LCLAT1: variants seen among roughly 807,000 people sequenced by gnomAD.
The protein encoded by LCLAT1 is 1-AGP acyltransferase 8.
A neutral mutation model predicts 30.7 loss-of-function variants in LCLAT1; 11 were observed. That is an observed-to-expected ratio of 0.36 (90% CI 0.23 to 0.59). The LOEUF is 0.59. Ranked by LOEUF, LCLAT1 falls within the 20% of genes least tolerant of loss-of-function variation. The pLI, the probability that LCLAT1 is intolerant of heterozygous loss-of-function variation, is 0.77. For missense variants in LCLAT1, 402 were observed against 458.6 expected (o/e 0.88, Z 1.13); for synonymous variants, 155 against 151.3 (o/e 1.02, Z -0.18).
At chr2:30,584,116 C>T (rs1558535597) in intron 5 of LCLAT1, among the ~76,000 whole-genome samples, 3 of 152,074 alleles carry the variant, frequency 2.0e-5, no homozygotes, top group Admixed American at 6.6e-5. Context: ...TGAGTGAGAA[C>T]ATGCAGTGTT....
At chr2:30,481,219 GAAAGCCGTT>G (rs1438132686) in intron 1 of LCLAT1, among the ~76,000 whole-genome samples, 2 of 152,190 alleles carry the variant, frequency 1.3e-5, no homozygotes, top group Non-Finnish European at 2.9e-5. Flanking sequence ...AGGCTCAATG[GAAAGCCGTT>G]AAAGGCTTTT....
chr2:30,510,800 A>G (rs775462406), intron 1 of LCLAT1, among the ~76,000 whole-genome samples: 1 of 151,800 alleles, frequency 6.6e-6, no homozygotes, highest in South Asian at 2.1e-4. Flanking sequence ...ATTTTTTCTC[A>G]ACTTTATTTT....
chr2:30,470,262 A>G (rs1488866550), intron 1 of LCLAT1, among the ~76,000 whole-genome samples: 1 of 152,174 alleles, frequency 6.6e-6, no homozygotes, highest in African/African-American at 2.4e-5. Flanking sequence ...TAATCGGGGA[A>G]GTTACAAGTC....
intron 4 of LCLAT1, among the ~76,000 whole-genome samples, chr2:30,566,432 A>G (rs1046203332): frequency 7.2e-5 from 11 of 152,104 alleles, no homozygotes; most frequent in African/African-American, 2.7e-4. Flanking sequence ...ATATGAGAGG[A>G]ACTTACTACT....
At chr2:30,582,831 A>G (rs541258058) in intron 5 of LCLAT1, among the ~76,000 whole-genome samples, 119 of 152,350 alleles carry the variant, frequency 7.8e-4, no homozygotes, top group African/African-American at 2.8e-3. Context: ...GGAATGTTAG[A>G]TGTCACAGAG....
chr2:30,616,217 TAGC>T (rs1667986598), intron 5 of LCLAT1, among the ~76,000 whole-genome samples: 1 of 152,168 alleles, frequency 6.6e-6, no homozygotes, highest in African/African-American at 2.4e-5. Flanking sequence ...AGGGAGTACT[TAGC>T]AGGAGAAAGT....
At chr2:30,514,382 CA>C in intron 1 of LCLAT1, among the ~76,000 whole-genome samples, 1 of 152,188 alleles carries the variant, frequency 6.6e-6, no homozygotes, top group Non-Finnish European at 1.5e-5. Flanking sequence ...GGATACTAGA[CA>C]GTTGGCCAGA....
rs1225891172 is a variant in LCLAT1 at position 30,640,826 on chromosome 2, T to C, written c.*207T>C. 5.6e-6 allele frequency: 3 copies of C among 535,630 alleles called. No homozygotes were observed. The highest frequency in any genetic ancestry group is 9.5e-6 in the Non-Finnish European group (3 of 314,452). The allele number at this position is 535,630 out of a possible 1,614,324, so 33.2% of individuals were successfully genotyped here. ...GAATGTAATTTCGATACTGTGTACA[T>C]AGCAGGGAGTGATCGGGGTGAAATA... On this transcript the variant is annotated 3_prime_UTR_variant, in exon 6 of 6. Transcript: ENST00000379509.
At chr2:30,628,487 T>A (rs1668616834) in intron 5 of LCLAT1, among the ~76,000 whole-genome samples, 1 of 152,098 alleles carries the variant, frequency 6.6e-6, no homozygotes, top group Non-Finnish European at 1.5e-5. Context: ...CCAAGTATAG[T>A]TTGAAAAAGA....
intron 1 of LCLAT1, among the ~76,000 whole-genome samples, chr2:30,510,389 A>G (rs1684882694): frequency 6.6e-6 from 1 of 152,158 alleles, no homozygotes; most frequent in Non-Finnish European, 1.5e-5. Context: ...TTAGAATCTT[A>G]AAGTTTTTGT....
intron 1 of LCLAT1, among the ~76,000 whole-genome samples, chr2:30,485,893 A>G (rs1284513569): frequency 6.6e-6 from 1 of 152,134 alleles, no homozygotes; most frequent in African/African-American, 2.4e-5. Flanking sequence ...TTTGTCATAT[A>G]TGTTATATGT....
chr2:30,447,950 G>T (rs561742173), intron 1 of LCLAT1, among the ~76,000 whole-genome samples: 1 of 152,156 alleles, frequency 6.6e-6, no homozygotes, highest in Non-Finnish European at 1.5e-5. Flanking sequence ...GAAAAGAAAG[G>T]TAGGCCCTAG....
intron 3 of LCLAT1, among the ~76,000 whole-genome samples, chr2:30,535,146 A>G (rs116799045): frequency 0.015 from 2,326 of 152,172 alleles, 54 homozygotes; most frequent in African/African-American, 0.054. Flanking sequence ...GCAGCTGTGT[A>G]TTTTTCTTCA....
chr2:30,563,556 C>G (rs6714611), intron 4 of LCLAT1, among the ~76,000 whole-genome samples: 10,872 of 152,210 alleles, frequency 0.071, 641 homozygotes, highest in African/African-American at 0.16. Flanking sequence ...TACAGCTCTG[C>G]TGTGTAAGGG....
chr2:30,463,345 T>C (rs1410553589), intron 1 of LCLAT1, among the ~76,000 whole-genome samples: 2 of 152,194 alleles, frequency 1.3e-5, no homozygotes, highest in African/African-American at 4.8e-5. Context: ...TCTATTAATA[T>C]ATAAACGTTA....
At chr2:30,637,397 C>T (rs1208676225) in intron 5 of LCLAT1, among the ~76,000 whole-genome samples, 2 of 151,988 alleles carry the variant, frequency 1.3e-5, no homozygotes, top group African/African-American at 4.8e-5. Context: ...CATACTCAGT[C>T]TATCAGCAAT....
intron 1 of LCLAT1, among the ~76,000 whole-genome samples, chr2:30,464,183 A>G (rs1342012231): frequency 2.6e-5 from 4 of 152,176 alleles, no homozygotes; most frequent in Non-Finnish European, 1.5e-5. Context: ...GCTACATATT[A>G]GTCTGATTTC....
chr2:30,623,577 G>A (rs1292796684), intron 5 of LCLAT1, among the ~76,000 whole-genome samples: 1 of 151,472 alleles, frequency 6.6e-6, no homozygotes, highest in Non-Finnish European at 1.5e-5. Context: ...AAAGAATGGG[G>A]GAAAAAAAAA....
intron 1 of LCLAT1, among the ~76,000 whole-genome samples, chr2:30,468,001 T>G (rs1055744593): frequency 6.6e-6 from 1 of 152,228 alleles, no homozygotes; most frequent in Non-Finnish European, 1.5e-5. Context: ...GTTTTAGACA[T>G]GAAGTCCTTG....
Sources: gnomAD v4.1 joint callset for allele counts (sites outside exome capture counted in the v4.1 genomes callset) on GRCh38, gnomAD v4.1.1 for gene constraint, MANE v1.5 for transcripts, NCBI Gene and HGNC (gene_info 2026-07-23, HGNC 2026-07-21) for gene names.